The following DAZAP1 variants were observed in gnomAD, a reference collection of about 807,000 sequenced individuals.
DAZAP1 encodes DAZ associated protein 1.
In DAZAP1, 6 loss-of-function variants were observed where a neutral mutation model predicts 60.1. The ratio of observed to expected loss-of-function variants is 0.10; its 90% CI spans 0.05 to 0.20. The LOEUF is 0.20. DAZAP1 is among the 10% of genes least tolerant of loss of function. The pLI is 1.00. For synonymous variants in DAZAP1, 235 were observed against 215.9 expected (o/e 1.09, Z -0.78); for missense variants, 366 against 560.4 (o/e 0.65, Z 3.50).
At position 1,425,657 on chromosome 19, in the gene DAZAP1, A is replaced by AGCCGTCACCGGGAGTGCG. The variant is rs1427284887; in HGVS notation, c.464-219_464-202dup. Among the ~76,000 whole-genome samples the AGCCGTCACCGGGAGTGCG allele has an allele frequency of 1.1e-4, 17 of 152,178 alleles. No individual in the cohort carries two copies. Among genetic ancestry groups the AGCCGTCACCGGGAGTGCG allele is most frequent in the African/African-American group, 4.1e-4 (17 of 41,440 alleles). The stretch of plus-strand genomic sequence containing the variant: ...GCTTGACTCAGGCCTCAGTCAGCAG[A>AGCCGTCACCGGGAGTGCG]GCCGTCACCGGGAGTGCGGACGTCA... On this transcript the variant is annotated intron_variant, in intron 6 of 11. Coordinates refer to ENST00000233078, the MANE Select transcript of DAZAP1 (RefSeq NM_018959.4). This position sits in a 1 kb window ranked among gnomAD's most constrained non-coding sequence, Gnocchi z 5.4.
rs774728236 is a variant in DAZAP1, at chr19:1,417,512, G to T, written c.42G>T (p.Val14=). The T allele has an allele frequency of 1.9e-6, 3 of 1,606,334 alleles. No homozygotes were observed. In the Admixed American group the frequency reaches 5.1e-5, roughly 27 times the overall value. ...CATTGAATCGCAGGAAGCTCTTCGT[G>T]GGCGGTCTTGACTGGAGCACGACCC... ...SGADEIGKLF[V]GGLDWSTTQE... Residue 14 remains valine (V), a synonymous_variant, in exon 2 of 12, where the codon GTG becomes GTT. Transcript: ENST00000233078.
Position 1,423,736 on chromosome 19 carries a change from G to C in DAZAP1, c.463+1340G>C, listed in dbSNP as rs2083225800. 6.6e-6 allele frequency among the ~76,000 whole-genome samples: 1 copy of C among 152,252 alleles called. No individual in the cohort carries two copies. On this transcript the variant is annotated intron_variant, in intron 6 of 11. Transcript: ENST00000233078. The surrounding 1 kb of genome is among the most constrained non-coding windows in gnomAD (Gnocchi z 6.8). ...GATGCTGTGTTCCAATACTGCCTCT[G>C]ATCTTGGGAAACTTGAGCGCGCGGG...
chr19:1,409,233 C>T (rs1005168802), intron 1 of DAZAP1, among the ~76,000 whole-genome samples: 1 of 152,178 alleles, frequency 6.6e-6, no homozygotes, highest in Admixed American at 6.5e-5. Flanking sequence ...GGGAGTCCAC[C>T]GGCCATGGGG....
chr19:1,408,878 G>C (rs1309533513), intron 1 of DAZAP1, among the ~76,000 whole-genome samples: 3 of 152,198 alleles, frequency 2.0e-5, no homozygotes, highest in Non-Finnish European at 4.4e-5. Flanking sequence ...AAAACAGTCT[G>C]GGTTGGGTTT....
rs1225649555 is a variant in DAZAP1 at position 1,428,035 on chromosome 19, G to A, written c.547-807G>A. 6.6e-6 allele frequency: 1 copy of A among 152,200 alleles called. No homozygotes were observed. Among genetic ancestry groups the A allele is most frequent in the East Asian group, 1.9e-4 (1 of 5,196 alleles). 9.4% of individuals were successfully genotyped at this position (152,200 alleles called of 1,614,324 possible). ...TATTTTCAAGCAGGCATTAAAGGAA[G>A]GTCAGCCACTGCGCCTAGAATAAGT... On this transcript the variant is annotated intron_variant, in intron 7 of 11. Transcript: ENST00000233078. The surrounding 1 kb of genome is among the most constrained non-coding windows in gnomAD (Gnocchi z 4.0).
At position 1,426,320 on chromosome 19, in the gene DAZAP1, C is replaced by G. The variant is rs2083304051; in HGVS notation, c.546+360C>G. ...CCACGACCACTCCTTCAGATGTCTG[C>G]AAATCCCCATTGTCTGACACTGACC... is the stretch of plus-strand genomic sequence containing the variant. On this transcript the variant is annotated intron_variant, in intron 7 of 11. Coordinates refer to ENST00000233078, the MANE Select transcript of DAZAP1 (RefSeq NM_018959.4). The surrounding 1 kb of genome is among the most constrained non-coding windows in gnomAD (Gnocchi z 5.4). The G allele has an allele frequency of 3.3e-6, 1 of 302,898 alleles. No individual in the cohort carries two copies. Among genetic ancestry groups the G allele is most frequent in the Non-Finnish European group, 6.4e-6 (1 of 155,450 alleles). The allele number at this position is 302,898 out of a possible 1,614,324, so 18.8% of individuals were successfully genotyped here.
At chr19:1,421,286 TGTGGG>T in intron 5 of DAZAP1, 28 bp downstream of exon 5, 1 of 1,593,492 alleles carries the variant, frequency 6.3e-7, no homozygotes, top group Non-Finnish European at 8.6e-7. Context: ...CCGGCAGCAC[TGTGGG>T]GACAGAGCCG....
chr19:1,426,030 A>C lies in DAZAP1; in HGVS notation c.546+70A>C. On this transcript the variant is annotated intron_variant, in intron 7 of 11. Transcript: ENST00000233078. The surrounding 1 kb of genome is among the most constrained non-coding windows in gnomAD (Gnocchi z 5.4). ...TTAGGCAACTTAGGGGTTTCACTGG[A>C]AAGGAACATTCCTTCACGGAAAGGG... 1 of 1,107,662 alleles carries C rather than the reference A, an allele frequency of 9.0e-7. No individual in the cohort carries two copies. The highest frequency in any genetic ancestry group is 1.4e-6 in the Non-Finnish European group (1 of 718,286). The allele number at this position is 1,107,662 out of a possible 1,614,324, so 68.6% of individuals were successfully genotyped here.
At chr19:1,417,355 G>C (rs993088609) in intron 1 of DAZAP1, 145 bp from the exon 2 acceptor site, 3 of 870,006 alleles carry the variant, frequency 3.4e-6, no homozygotes, top group Non-Finnish European at 5.5e-6. Context: ...CGCCATTGCT[G>C]TGAGCTTTGT....
intron 1 of DAZAP1, among the ~76,000 whole-genome samples, chr19:1,408,503 C>T (rs975970311): frequency 2.6e-5 from 4 of 152,250 alleles, no homozygotes; most frequent in African/African-American, 9.6e-5. Flanking sequence ...CCAACCTATC[C>T]CACTCGGGGC....
chr19:1,408,612 T>A (rs899184652), intron 1 of DAZAP1, among the ~76,000 whole-genome samples: 1 of 145,708 alleles, frequency 6.9e-6, no homozygotes, highest in Admixed American at 6.8e-5. Flanking sequence ...CGGGGCCTGC[T>A]GTGTTTACGT....
At chr19:1,415,842 C>G (rs1447125672) in intron 1 of DAZAP1, 2 of 152,168 alleles carry the variant, frequency 1.3e-5, no homozygotes, top group African/African-American at 4.8e-5. Context: ...TGGCACACCC[C>G]GCCTCTAATT....
Position 1,425,242 on chromosome 19 carries a change from C to T in DAZAP1, c.464-636C>T, listed in dbSNP as rs189996989. ...ACCCAACGGTGTTGCGTAAGCCTAGCGAGGCACCAGCTATGATAGATACTG... is the reference window on the plus strand; with the variant it reads ...ACCCAACGGTGTTGCGTAAGCCTAGTGAGGCACCAGCTATGATAGATACTG... On this transcript the variant is annotated intron_variant, in intron 6 of 11. Transcript: ENST00000233078. The surrounding 1 kb of genome is among the most constrained non-coding windows in gnomAD (Gnocchi z 5.4). Among the ~76,000 whole-genome samples, 11 of 152,236 alleles carry T rather than the reference C, an allele frequency of 7.2e-5. No homozygotes were observed. Among genetic ancestry groups the T allele is most frequent in the African/African-American group, 2.4e-4 (10 of 41,526 alleles).
intron 1 of DAZAP1, among the ~76,000 whole-genome samples, chr19:1,413,413 C>A (rs756692925): frequency 6.6e-6 from 1 of 152,230 alleles, no homozygotes; most frequent in Non-Finnish European, 1.5e-5. Context: ...CAGGAGCTTT[C>A]TTATTTTATT....
rs1569057322 is a variant in DAZAP1 at position 1,418,136 on chromosome 19, G to T, written c.71-68G>T. 5.9e-6 allele frequency: 9 copies of T among 1,531,916 alleles called. No individual in the cohort carries two copies. The East Asian group carries it at 1.6e-4, about 27-fold the overall frequency. 94.9% of individuals were successfully genotyped at this position (1,531,916 alleles called of 1,614,324 possible). The stretch of plus-strand genomic sequence containing the variant: ...GACTGGAGGAGTGTGCGTGCCGGCA[G>T]CACTGCCAGGCACGTGCCTAATGCT... On this transcript the variant is annotated intron_variant, in intron 2 of 11. Coordinates refer to ENST00000233078, the MANE Select transcript of DAZAP1 (RefSeq NM_018959.4). This position sits in a 1 kb window ranked among gnomAD's most constrained non-coding sequence, Gnocchi z 5.7.
At chr19:1,424,830 G>T (rs542715425) in intron 6 of DAZAP1, among the ~76,000 whole-genome samples, 13 of 152,306 alleles carry the variant, frequency 8.5e-5, no homozygotes, top group East Asian at 7.8e-4. Context: ...ACTTCCATCT[G>T]GGGAGGGGCT....
At chr19:1,420,886 C>T (rs1023139745) in intron 4 of DAZAP1, among the ~76,000 whole-genome samples, 35 of 152,224 alleles carry the variant, frequency 2.3e-4, no homozygotes, top group African/African-American at 8.2e-4. Context: ...AGGCAAGGCA[C>T]GCACTGTGTC....
chr19:1,432,189 C>T lies in DAZAP1; in HGVS notation c.872-325C>T, dbSNP rs2083469279. The T allele has an allele frequency of 2.5e-6, 1 of 397,524 alleles. No individual in the cohort carries two copies. Among genetic ancestry groups the T allele is most frequent in the Non-Finnish European group, 4.6e-6 (1 of 217,900 alleles). 24.6% of individuals were successfully genotyped at this position (397,524 alleles called of 1,614,324 possible). On this transcript the variant is annotated intron_variant, in intron 10 of 11. Transcript: ENST00000233078. The surrounding 1 kb of genome is among the most constrained non-coding windows in gnomAD (Gnocchi z 4.9). Reference sequence around the variant, plus strand: ...GGCATGGTGGCAGGTTTTTGTCCTTCTGAAAGAGCAATTTTGCTGTGAGGT... The same window carrying T: ...GGCATGGTGGCAGGTTTTTGTCCTTTTGAAAGAGCAATTTTGCTGTGAGGT...
rs1016291971 is a variant in DAZAP1 at position 1,434,389 on chromosome 19, T to A, written c.1049-348T>A. On this transcript the variant is annotated intron_variant, in intron 11 of 11. Coordinates refer to ENST00000233078, the MANE Select transcript of DAZAP1 (RefSeq NM_018959.4). The surrounding 1 kb of genome is among the most constrained non-coding windows in gnomAD (Gnocchi z 8.0). Reference sequence around the variant, plus strand: ...AGCTTTCTAGAAGCCTGGTCCACCGTGCCTTGGGCCATGTGTGTCTCCAAG... The same window carrying A: ...AGCTTTCTAGAAGCCTGGTCCACCGAGCCTTGGGCCATGTGTGTCTCCAAG... 3 of 257,066 alleles carry A rather than the reference T, an allele frequency of 1.2e-5. No individual in the cohort carries two copies. The highest frequency in any genetic ancestry group is 6.8e-5 in the African/African-American group (3 of 43,936). 15.9% of individuals were successfully genotyped at this position (257,066 alleles called of 1,614,324 possible).
Sources: gnomAD v4.1 joint callset for allele counts (sites outside exome capture counted in the v4.1 genomes callset) on GRCh38, gnomAD v4.1.1 for gene constraint, Gnocchi (gnomAD v3.1) non-coding constraint, MANE v1.5 for transcripts, NCBI Gene and HGNC (gene_info 2026-07-23, HGNC 2026-07-21) for gene names.